The following VCL variants were observed in gnomAD, a reference collection of about 807,000 sequenced individuals.
The protein encoded by VCL is vinculin.
A neutral mutation model predicts 125.7 loss-of-function variants in VCL; 47 were observed. The observed-to-expected ratio is 0.37, with a 90% CI of 0.30 to 0.48. The LOEUF is 0.48. Among genes scored for constraint, VCL ranks in the 20% least tolerant of loss-of-function variants. VCL has a pLI of 0.99. For synonymous variants in VCL, 458 were observed against 514.6 expected (o/e 0.89, Z 1.49); for missense variants, 1,069 against 1,455.5 (o/e 0.73, Z 4.32).
rs765475780 is a variant in VCL, at chr10:74,108,990, C to T, written c.2579C>T (p.Pro860Leu). 6.2e-6 allele frequency: 10 copies of T among 1,614,126 alleles called. No homozygotes were observed. Among genetic ancestry groups the T allele is most frequent in the Non-Finnish European group, 8.5e-6 (10 of 1,180,014 alleles). ...TTTTAGCTAACAGATGAGCTTGCTC[C>T]TCCCAAACCACCTCTGCCTGAAGGT... ...EQLRLTDELA[P>L]PKPPLPEGEV... is the part of the protein sequence containing the mutation. The change falls in exon 18 of 22, where the codon CCT becomes CTT. Residue 860 changes from proline (P) to leucine (L), a missense_variant. Physicochemically the swap from Pro to Leu is moderately conservative, Grantham distance 98. Transcript: ENST00000211998.
At chr10:74,083,963 G>A (rs1839723080) in intron 8 of VCL, among the ~76,000 whole-genome samples, 1 of 151,404 alleles carries the variant, frequency 6.6e-6, no homozygotes, top group Admixed American at 6.6e-5. Context: ...CAGCTCCGTG[G>A]TTCAAGCAGT....
intron 1 of VCL, among the ~76,000 whole-genome samples, chr10:74,038,228 A>G (rs1215304410): frequency 1.3e-5 from 2 of 152,030 alleles, no homozygotes; most frequent in East Asian, 3.9e-4. Flanking sequence ...AATTCCTGAT[A>G]TCAGGTGTTC....
rs1274689544 is a variant in VCL at position 74,094,305 on chromosome 10, G to A, written c.1387G>A (p.Ala463Thr). 3.7e-6 allele frequency: 6 copies of A among 1,614,024 alleles called. No individual in the cohort carries two copies. The Admixed American group carries it at 1.0e-4, about 27-fold the overall frequency. Residue 463 changes from alanine (A) to threonine (T), a missense_variant, in exon 11 of 22, where the codon GCC (alanine) becomes ACC (threonine). Physicochemically the swap from Ala to Thr is moderately conservative, Grantham distance 58 (BLOSUM62 0). Transcript: ENST00000211998. ...AGATTCTCCAGAGGCTCGAGCCTTG[G>A]CCAAACAGGTGGCCACGGCCCTGCA... ...KGDSPEARAL[A>T]KQVATALQNL...
At chr10:74,056,486 A>T (rs1841393211) in intron 2 of VCL, among the ~76,000 whole-genome samples, 1 of 152,092 alleles carries the variant, frequency 6.6e-6, no homozygotes, top group African/African-American at 2.4e-5. Flanking sequence ...ATTATGTTGT[A>T]CTTTAAGAGA....
At chr10:74,080,568 A>T (rs142839079) in intron 6 of VCL, among the ~76,000 whole-genome samples, 3 of 152,202 alleles carry the variant, frequency 2.0e-5, no homozygotes, top group Non-Finnish European at 4.4e-5. Context: ...GTTAGAGTAG[A>T]CATAAAAATT....
chr10:74,102,760 A>G (rs572822295), intron 14 of VCL, among the ~76,000 whole-genome samples: 4 of 152,384 alleles, frequency 2.6e-5, no homozygotes, highest in South Asian at 4.1e-4. Flanking sequence ...TACAATTTCA[A>G]TATGAAACTG....
chr10:74,050,710 C>A (rs1170359792), intron 2 of VCL, among the ~76,000 whole-genome samples: 1 of 151,820 alleles, frequency 6.6e-6, no homozygotes, highest in African/African-American at 2.4e-5. Flanking sequence ...TTGCCTGGGG[C>A]TAATGTGTGA....
chr10:74,020,983 A>G (rs562099587), intron 1 of VCL, among the ~76,000 whole-genome samples: 12 of 152,158 alleles, frequency 7.9e-5, no homozygotes, highest in African/African-American at 2.9e-4. Flanking sequence ...TTAATGAAAA[A>G]CTTTTTCTGA....
At chr10:74,009,216 T>TCCC (rs796287389) in intron 1 of VCL, among the ~76,000 whole-genome samples, 2 of 49,558 alleles carry the variant, frequency 4.0e-5, no homozygotes, top group African/African-American at 1.9e-4. Flanking sequence ...GCTGCTGCTT[T>TCCC]CCCCCCCCCC....
chr10:74,051,114 A>G (rs1841291089), intron 2 of VCL, among the ~76,000 whole-genome samples: 2 of 151,420 alleles, frequency 1.3e-5, no homozygotes, highest in Non-Finnish European at 2.9e-5. Context: ...CAATTTTTGC[A>G]TTTTTAGTAG....
At chr10:74,113,921 T>C (rs956057492) in intron 19 of VCL, among the ~76,000 whole-genome samples, 1 of 152,132 alleles carries the variant, frequency 6.6e-6, no homozygotes, top group East Asian at 1.9e-4. Context: ...AGTCAGGAAA[T>C]GTCTCTCTCC....
intron 8 of VCL, among the ~76,000 whole-genome samples, chr10:74,087,650 G>A (rs1012942638): frequency 2.7e-5 from 4 of 147,454 alleles, no homozygotes; most frequent in South Asian, 2.4e-4. Flanking sequence ...GTGAGCCACC[G>A]CGCCTGGCCG....
chr10:74,039,257 C>T (rs1439042166), intron 1 of VCL, among the ~76,000 whole-genome samples: 1 of 150,774 alleles, frequency 6.6e-6, no homozygotes, highest in Non-Finnish European at 1.5e-5. Context: ...TCATCCCCCA[C>T]CCCACCCCAC....
At position 74,082,459 on chromosome 10, in the gene VCL, T is replaced by C. The variant is rs538002543; in HGVS notation, c.789T>C (p.Thr263=). The C allele has an allele frequency of 2.2e-5, 36 of 1,614,184 alleles. 1 individual carries two copies. The South Asian group carries it at 3.5e-4, about 16-fold the overall frequency. ...WDEDAWASKD[T]EAMKRALASI... is the part of the protein sequence containing the mutation. Reference sequence around the variant, plus strand: ...GTGGGATTTCTTCCCAAAAGGACACTGAAGCCATGAAGAGAGCATTGGCCT... The same window carrying C: ...GTGGGATTTCTTCCCAAAAGGACACCGAAGCCATGAAGAGAGCATTGGCCT... The change falls in exon 7 of 22, where the codon ACT becomes ACC. Residue 263 remains threonine (T), a synonymous_variant. Coordinates refer to ENST00000211998, the MANE Select transcript of VCL (RefSeq NM_014000.3).
chr10:74,090,107 T>G lies in VCL; in HGVS notation c.1261T>G (p.Leu421Val). 1 of 1,614,170 alleles carries G rather than the reference T, an allele frequency of 6.2e-7. No individual in the cohort carries two copies. The highest frequency in any genetic ancestry group is 1.1e-5 in the South Asian group (1 of 91,086). The change falls in exon 10 of 22, where the codon TTA (leucine) becomes GTA (valine). Residue 421 changes from leucine to valine, a missense_variant. By Grantham distance (32) the Leu-to-Val change is conservative. Around this residue, in one of 6 missense-constraint regions of VCL, gnomAD observed 760 missense variants for 928.9 expected, o/e 0.82. Coordinates refer to ENST00000211998, the MANE Select transcript of VCL (RefSeq NM_014000.3). ...ALAEARKIAE[L>V]CDDPKERDDI... ...GGCTGAAGCTCGGAAAATAGCAGAA[T>G]TATGTGATGATCCTAAAGAAAGAGA...
chr10:74,068,102 T>A (rs1841602510), intron 2 of VCL, among the ~76,000 whole-genome samples: 2 of 152,254 alleles, frequency 1.3e-5, no homozygotes, highest in Admixed American at 6.5e-5. Context: ...GTATAACTTC[T>A]GCAGATTGCA....
At chr10:74,039,598 CAT>C (rs914089179) in intron 1 of VCL, among the ~76,000 whole-genome samples, 9 of 151,726 alleles carry the variant, frequency 5.9e-5, no homozygotes, top group African/African-American at 1.9e-4. Context: ...GCCTGGGAAA[CAT>C]AGTGAGACCC....
intron 21 of VCL, among the ~76,000 whole-genome samples, chr10:74,115,943 G>A (rs755575203): frequency 5.9e-5 from 9 of 152,076 alleles, no homozygotes; most frequent in South Asian, 2.1e-4. Flanking sequence ...TTTCCCCTCC[G>A]GGAGGCCCTG....
chr10:74,098,649 G>A (rs1356758363), intron 13 of VCL, among the ~76,000 whole-genome samples: 2 of 152,208 alleles, frequency 1.3e-5, no homozygotes, highest in Non-Finnish European at 2.9e-5. Flanking sequence ...AGCCTTTATA[G>A]TATTGGCAGC....
Sources: gnomAD v4.1 joint callset for allele counts (sites outside exome capture counted in the v4.1 genomes callset) on GRCh38, gnomAD v4.1.1 for gene constraint, gnomAD v4.1.1 regional missense constraint, MANE v1.5 for transcripts, NCBI Gene and HGNC (gene_info 2026-07-23, HGNC 2026-07-21) for gene names.